SGCD: variants seen among roughly 807,000 people sequenced by gnomAD.
The protein encoded by SGCD is delta-sarcoglycan.
In SGCD, 18 loss-of-function variants were observed where a neutral mutation model predicts 36.6. The observed-to-expected ratio is 0.49, with a 90% CI of 0.34 to 0.73. The LOEUF (loss-of-function observed/expected upper bound fraction) is 0.73, where lower values mean the gene tolerates loss of function less well. Ranked by LOEUF, SGCD falls within the 30% of genes least tolerant of loss-of-function variation. SGCD has a pLI of 0.01. For synonymous variants in SGCD, 133 were observed against 130.6 expected (o/e 1.02, Z -0.12); for missense variants, 387 against 346.7 (o/e 1.12, Z -0.92).
chr5:156,447,898 C>T (rs1202638536), intron 3 of SGCD, among the ~76,000 whole-genome samples: 4 of 152,114 alleles, frequency 2.6e-5, no homozygotes, highest in Non-Finnish European at 2.9e-5. Context: ...ATTTTATTCT[C>T]ATTATTACCC....
At chr5:156,360,823 C>G (rs1769749093) in intron 3 of SGCD, among the ~76,000 whole-genome samples, 1 of 152,114 alleles carries the variant, frequency 6.6e-6, no homozygotes, top group Admixed American at 6.5e-5. Flanking sequence ...TAATACAAAT[C>G]TTAGCCTTCA....
At chr5:155,743,243 T>C in the SGCD span, among the ~76,000 whole-genome samples, 1 of 152,220 alleles carries the variant, frequency 6.6e-6, no homozygotes, top group East Asian at 1.9e-4. Context: ...CCAGCCCCCA[T>C]GCTGAGGCTA....
intron 4 of SGCD, among the ~76,000 whole-genome samples, chr5:156,548,028 C>T (rs981709413): frequency 1.2e-4 from 19 of 152,138 alleles, no homozygotes; most frequent in African/African-American, 4.6e-4. Flanking sequence ...TGGGCTGGTT[C>T]CCTGCAGTAT....
chr5:156,758,894 A>T (rs1294130397), intron 8 of SGCD, among the ~76,000 whole-genome samples: 2 of 152,190 alleles, frequency 1.3e-5, no homozygotes, highest in Admixed American at 6.5e-5. Flanking sequence ...AGGATCTGGG[A>T]AGTCCCATAG....
chr5:156,752,486 G>A (rs998858641), intron 7 of SGCD, among the ~76,000 whole-genome samples: 1 of 152,052 alleles, frequency 6.6e-6, no homozygotes, highest in Non-Finnish European at 1.5e-5. Flanking sequence ...TCTGCCTCTC[G>A]GGTTCAAGCA....
chr5:156,625,382 G>T (rs150396033), intron 6 of SGCD, among the ~76,000 whole-genome samples: 1 of 152,228 alleles, frequency 6.6e-6, no homozygotes, highest in East Asian at 1.9e-4. Context: ...AATAATGTAT[G>T]TTTGTCTTTG....
intron 3 of SGCD, among the ~76,000 whole-genome samples, chr5:156,165,634 G>A (rs1196471552): frequency 6.6e-6 from 1 of 152,202 alleles, no homozygotes; most frequent in African/African-American, 2.4e-5. Context: ...TTGAAAGAGT[G>A]CTTCAGACCT....
chr5:156,616,982 A>AG (rs1762045356), intron 6 of SGCD, among the ~76,000 whole-genome samples: 1 of 152,214 alleles, frequency 6.6e-6, no homozygotes, highest in Non-Finnish European at 1.5e-5. Context: ...ACAAAAAAAA[A>AG]GTTTGCCAGT....
At chr5:156,653,531 T>A (rs1479959953) in intron 7 of SGCD, among the ~76,000 whole-genome samples, 1 of 142,236 alleles carries the variant, frequency 7.0e-6, no homozygotes, top group African/African-American at 2.5e-5. Context: ...CAAACTGTGG[T>A]AGCCCGGACT....
At chr5:155,752,611 C>T in the SGCD span, among the ~76,000 whole-genome samples, 1 of 152,144 alleles carries the variant, frequency 6.6e-6, no homozygotes, top group Non-Finnish European at 1.5e-5. Context: ...TGATTCCTAA[C>T]CCCCATAGGA....
intron 3 of SGCD, among the ~76,000 whole-genome samples, chr5:156,160,250 A>T (rs1168243218): frequency 6.6e-6 from 1 of 151,580 alleles, no homozygotes; most frequent in Non-Finnish European, 1.5e-5. Context: ...AAGGCAATGA[A>T]ATTTATTTTT....
At chr5:156,668,710 A>C (rs1251719937) in intron 7 of SGCD, among the ~76,000 whole-genome samples, 2 of 152,186 alleles carry the variant, frequency 1.3e-5, no homozygotes, top group East Asian at 3.9e-4. Context: ...TTCATTCAGA[A>C]AGCAGGAAGA....
chr5:156,081,290 G>A (rs1226707569), intron 1 of SGCD, among the ~76,000 whole-genome samples: 3 of 152,144 alleles, frequency 2.0e-5, no homozygotes, highest in East Asian at 1.9e-4. Context: ...ACCACGCCAT[G>A]AGGGATCTGC....
Position 156,564,337 on chromosome 5 carries a change from C to T in SGCD, c.295-24894C>T, listed in dbSNP as rs1759389012. ...TGGTGGCAGGTGCCTGTAGTCTCAG[C>T]TACTCGGGAGGCTGAGGCAGGAGAA... On this transcript the variant is annotated intron_variant, in intron 4 of 8. Transcript: ENST00000337851. Among the ~76,000 whole-genome samples the T allele has an allele frequency of 2.0e-5, 3 of 152,088 alleles. No homozygotes were observed. In the South Asian group the frequency reaches 6.2e-4, roughly 32 times the overall value.
chr5:155,774,241 G>C, the SGCD span, among the ~76,000 whole-genome samples: 1 of 152,102 alleles, frequency 6.6e-6, no homozygotes, highest in South Asian at 2.1e-4. Flanking sequence ...TGTTGCTATA[G>C]AAAGCATTTT....
chr5:156,101,949 A>T (rs946705071), intron 1 of SGCD, among the ~76,000 whole-genome samples: 163 of 115,274 alleles, frequency 1.4e-3, no homozygotes, highest in African/African-American at 3.7e-3. Context: ...TGTGAGAGAG[A>T]GAGAGAGAGA....
chr5:156,481,548 G>A (rs753697156), intron 3 of SGCD, among the ~76,000 whole-genome samples: 15 of 152,156 alleles, frequency 9.9e-5, no homozygotes, highest in Non-Finnish European at 2.2e-4. Context: ...AAAATAGCCC[G>A]TGGGTGCCTA....
intron 1 of SGCD, among the ~76,000 whole-genome samples, chr5:155,995,771 T>G (rs1407115699): frequency 6.6e-6 from 1 of 151,944 alleles, no homozygotes; most frequent in East Asian, 1.9e-4. Flanking sequence ...CTATTTCATA[T>G]GATTTCAGGC....
At chr5:156,468,310 T>C (rs1380764945) in intron 3 of SGCD, among the ~76,000 whole-genome samples, 1 of 146,700 alleles carries the variant, frequency 6.8e-6, no homozygotes, top group Non-Finnish European at 1.5e-5. Context: ...TACTGCACTT[T>C]AGCTTGGGTG....
Sources: allele counts gnomAD v4.1 joint callset (sites outside exome capture counted in the v4.1 genomes callset), GRCh38; gene constraint gnomAD v4.1.1; transcripts MANE v1.5; gene names NCBI Gene and HGNC (gene_info 2026-07-23, HGNC 2026-07-21).